The following CRLF3 variants were observed in gnomAD, a reference collection of about 807,000 sequenced individuals.
CRLF3 encodes the protein cytokine receptor like factor 3, also known as cytokine receptor-like factor 3.
CRLF3 carries 33 observed loss-of-function variants against 55.0 expected under a neutral mutation model. The ratio of observed to expected loss-of-function variants is 0.60; its 90% CI spans 0.46 to 0.80. CRLF3 has a LOEUF of 0.80. Ranked by LOEUF, CRLF3 falls within the 30% of genes least tolerant of loss-of-function variation. CRLF3 has a pLI of 0.00. For missense variants in CRLF3, 494 were observed against 538.4 expected, an observed-to-expected ratio of 0.92 and a Z score of 0.82; for synonymous variants, 238 against 196.8, an observed-to-expected ratio of 1.21 and a Z score of -1.75.
chr17:30,818,889 C>T (rs1279324042), intron 1 of CRLF3, among the ~76,000 whole-genome samples: 1 of 151,218 alleles, frequency 6.6e-6, no homozygotes, highest in African/African-American at 2.4e-5. Context: ...CATCTTGGCT[C>T]ACTGCAACCT....
intron 5 of CRLF3, 132 bp from the exon 6 acceptor site, chr17:30,792,704 A>C: frequency 5.4e-6 from 4 of 740,814 alleles, no homozygotes; most frequent in East Asian, 2.5e-5. Context: ...AAAATAAAAG[A>C]TTCCATTAAC....
At chr17:30,792,637 C>A (rs1167818006) in intron 5 of CRLF3, 65 bp from the exon 6 acceptor site, 9 of 1,434,874 alleles carry the variant, frequency 6.3e-6, no homozygotes, top group African/African-American at 1.4e-5. Context: ...AATACAGACA[C>A]GTTAAATAAA....
At chr17:30,794,304 T>C (rs1431880659) in intron 4 of CRLF3, among the ~76,000 whole-genome samples, 1 of 152,102 alleles carries the variant, frequency 6.6e-6, no homozygotes, top group East Asian at 1.9e-4. Context: ...AAGAGATAAT[T>C]AACATACAGT....
At chr17:30,823,459 G>A (rs189342791) in intron 1 of CRLF3, among the ~76,000 whole-genome samples, 2 of 151,464 alleles carry the variant, frequency 1.3e-5, no homozygotes, top group Admixed American at 1.3e-4. Flanking sequence ...CGTTAATGAT[G>A]AGAATATCCA....
At chr17:30,791,477 G>T (rs1971799765) in intron 6 of CRLF3, among the ~76,000 whole-genome samples, 1 of 151,920 alleles carries the variant, frequency 6.6e-6, no homozygotes, top group Middle Eastern at 3.4e-3. Flanking sequence ...AAAGTGCTGG[G>T]ATTACAAGTG....
chr17:30,807,560 T>C lies in CRLF3; in HGVS notation c.130-3452A>G, dbSNP rs377338560. ...TTTTTTTTTTTTTTTGACACAGAGT[T>C]TCACTCTTGTGGCCCAGACTGGAGT... On this transcript the variant is annotated intron_variant, in intron 1 of 7. Coordinates refer to ENST00000324238, the MANE Select transcript of CRLF3 (RefSeq NM_015986.4). 2.9e-5 allele frequency among the ~76,000 whole-genome samples: 4 copies of C among 139,806 alleles called. No homozygotes were observed. The East Asian group carries it at 6.1e-4, about 21-fold the overall frequency. 91.7% of individuals were successfully genotyped at this position (139,806 alleles called of 152,430 possible).
At chr17:30,807,517 C>CTT (rs778842582) in intron 1 of CRLF3, among the ~76,000 whole-genome samples, 6,076 of 63,162 alleles carry the variant, frequency 0.096, 900 homozygotes, top group Non-Finnish European at 0.11. Context: ...ATTTTCTTTC[C>CTT]TTTTTTTTTT....
intron 1 of CRLF3, among the ~76,000 whole-genome samples, chr17:30,823,440 A>G (rs1303175813): frequency 6.6e-6 from 1 of 151,718 alleles, no homozygotes; most frequent in Non-Finnish European, 1.5e-5. Context: ...AACCCAAAAC[A>G]TGTTGAGTCG....
At chr17:30,806,356 A>G (rs1904403855) in intron 1 of CRLF3, among the ~76,000 whole-genome samples, 1 of 152,200 alleles carries the variant, frequency 6.6e-6, no homozygotes, top group African/African-American at 2.4e-5. Context: ...TGCCTGGAGC[A>G]GTAATTATGA....
chr17:30,800,732 G>C (rs1971994049), intron 2 of CRLF3, among the ~76,000 whole-genome samples: 1 of 150,752 alleles, frequency 6.6e-6, no homozygotes, highest in African/African-American at 2.4e-5. Context: ...TCAGCCTCCT[G>C]AGTAGTTGGG....
At chr17:30,813,865 TG>T (rs1904703389) in intron 1 of CRLF3, among the ~76,000 whole-genome samples, 1 of 150,664 alleles carries the variant, frequency 6.6e-6, no homozygotes, top group South Asian at 2.1e-4. Flanking sequence ...AGAAGGAAAC[TG>T]AAGATTAGGA....
chr17:30,804,474 T>C, intron 1 of CRLF3, among the ~76,000 whole-genome samples: 1 of 152,186 alleles, frequency 6.6e-6, no homozygotes, highest in East Asian at 1.9e-4. Flanking sequence ...TCTGTACCCT[T>C]TGACCAACAT....
chr17:30,792,821 T>C (rs1971837044), intron 5 of CRLF3: 1 of 331,220 alleles, frequency 3.0e-6, no homozygotes, highest in East Asian at 4.2e-5. Flanking sequence ...ATAAAATCAT[T>C]GTACAAGCAT....
In CRLF3 at chr17:30,796,140, T is replaced by A; in HGVS notation, c.603+20A>T. On this transcript the variant is annotated intron_variant, in intron 4 of 7. Coordinates refer to ENST00000324238, the MANE Select transcript of CRLF3 (RefSeq NM_015986.4). The stretch of plus-strand genomic sequence containing the variant: ...AAACCCATAATGTGGAAGTCATTTC[T>A]AGAATTCTGAATTACATACCTTACA... 6.4e-7 allele frequency: 1 copy of A among 1,555,426 alleles called. No homozygotes were observed. Among genetic ancestry groups the A allele is most frequent in the Non-Finnish European group, 8.7e-7 (1 of 1,147,576 alleles).
chr17:30,789,279 G>A (rs987941502), intron 6 of CRLF3, among the ~76,000 whole-genome samples: 3 of 152,116 alleles, frequency 2.0e-5, no homozygotes, highest in Non-Finnish European at 2.9e-5. Context: ...TTCACATCAC[G>A]GTCAGCAGAG....
rs552839978 is a variant in CRLF3, at chr17:30,813,017, T to A, written c.130-8909A>T. Reference sequence around the variant, plus strand: ...AGCCACAACTGCAACCACAAGAGTGTTGCCAAGCAAAACCAGGAGAACTAC... The same window carrying A: ...AGCCACAACTGCAACCACAAGAGTGATGCCAAGCAAAACCAGGAGAACTAC... On this transcript the variant is annotated intron_variant, in intron 1 of 7. Coordinates refer to ENST00000324238, the MANE Select transcript of CRLF3 (RefSeq NM_015986.4). Among the ~76,000 whole-genome samples, 48 of 152,248 alleles carry A rather than the reference T, an allele frequency of 3.2e-4. No individual in the cohort carries two copies. In the South Asian group the frequency reaches 1.0e-2, roughly 32 times the overall value.
At chr17:30,788,412 T>G (rs1971700928) in intron 6 of CRLF3, among the ~76,000 whole-genome samples, 1 of 149,612 alleles carries the variant, frequency 6.7e-6, no homozygotes, top group African/African-American at 2.5e-5. Context: ...AGAGCAGGAA[T>G]GTTCACATAG....
chr17:30,789,548 C>G (rs1971739146), intron 6 of CRLF3, among the ~76,000 whole-genome samples: 1 of 152,138 alleles, frequency 6.6e-6, no homozygotes, highest in South Asian at 2.1e-4. Context: ...GAAAAAGAAG[C>G]AATACAGACC....
chr17:30,817,904 CAAAA>C (rs924297403), intron 1 of CRLF3, among the ~76,000 whole-genome samples: 2 of 61,328 alleles, frequency 3.3e-5, no homozygotes, highest in African/African-American at 6.6e-5. Flanking sequence ...GACTCCATCC[CAAAA>C]AAAAAAAAAA....
Sources: allele counts gnomAD v4.1 joint callset (sites outside exome capture counted in the v4.1 genomes callset), GRCh38; gene constraint gnomAD v4.1.1; transcripts MANE v1.5; gene names NCBI Gene and HGNC (gene_info 2026-07-23, HGNC 2026-07-21).